The following LOXHD1 variants were observed in gnomAD, a reference collection of about 807,000 sequenced individuals.
LOXHD1 encodes lipoxygenase homology domain-containing protein 1.
In LOXHD1, 205 loss-of-function variants were observed where a neutral mutation model predicts 248.2. That is an observed-to-expected ratio of 0.83 (90% CI 0.74 to 0.93). LOXHD1 has a LOEUF of 0.93. LOXHD1 is among the 40% of genes least tolerant of loss of function. The pLI, the probability that LOXHD1 is intolerant of heterozygous loss-of-function variation, is 0.00. For missense variants in LOXHD1, 2,930 were observed against 2,971.6 expected (o/e 0.99, Z 0.33); for synonymous variants, 1,113 against 1,162.8 (o/e 0.96, Z 0.87).
At chr18:46,522,608 T>C (rs2144141875) in intron 31 of LOXHD1, among the ~76,000 whole-genome samples, 2 of 152,304 alleles carry the variant, frequency 1.3e-5, no homozygotes, top group Admixed American at 1.3e-4. Context: ...CCTAGCACTA[T>C]TATGTGAAGG....
intron 37 of LOXHD1, among the ~76,000 whole-genome samples, chr18:46,490,755 G>A (rs987142137): frequency 1.1e-4 from 17 of 152,244 alleles, no homozygotes; most frequent in African/African-American, 3.4e-4. Context: ...GATTACAGGC[G>A]TGAGCCACCT....
chr18:46,603,738 G>A (rs902410835), intron 7 of LOXHD1, among the ~76,000 whole-genome samples: 14 of 152,302 alleles, frequency 9.2e-5, no homozygotes, highest in African/African-American at 3.4e-4. Context: ...AGGACACCAT[G>A]TAGGTCAGGT....
intron 26 of LOXHD1, among the ~76,000 whole-genome samples, chr18:46,537,322 T>C (rs186542434): frequency 2.6e-5 from 4 of 152,330 alleles, no homozygotes; most frequent in Admixed American, 2.6e-4. Flanking sequence ...CATGCCCCAG[T>C]TTCCCCATAT....
At chr18:46,656,123 G>A (rs2039178219) in intron 1 of LOXHD1, among the ~76,000 whole-genome samples, 1 of 152,222 alleles carries the variant, frequency 6.6e-6, no homozygotes, top group African/African-American at 2.4e-5. Context: ...TGGCTTCAGA[G>A]ACTAGGCAGG....
intron 13 of LOXHD1, among the ~76,000 whole-genome samples, chr18:46,578,522 T>C (rs897988498): frequency 1.4e-5 from 2 of 143,108 alleles, no homozygotes; most frequent in Non-Finnish European, 3.1e-5. Flanking sequence ...TGAACCTGAG[T>C]CCACCCACAA....
chr18:46,521,643 C>T (rs572547937), intron 32 of LOXHD1, among the ~76,000 whole-genome samples: 2 of 152,220 alleles, frequency 1.3e-5, no homozygotes, highest in African/African-American at 4.8e-5. Context: ...GTCCTCAGTC[C>T]TACACCCCCA....
At chr18:46,546,767 T>TA (rs1340870140) in intron 22 of LOXHD1, 128 bp downstream of exon 22, 1 of 1,071,000 alleles carries the variant, frequency 9.3e-7, no homozygotes, top group Non-Finnish European at 1.3e-6. Context: ...GAGAGGGCAA[T>TA]ACAATAGACT....
At chr18:46,609,652 G>T (rs328125) in intron 6 of LOXHD1, among the ~76,000 whole-genome samples, 81,493 of 152,050 alleles carry the variant, frequency 0.54, 21,901 homozygotes, top group Non-Finnish European at 0.56. Flanking sequence ...GTTTTCTAAC[G>T]GACCTCAGCC....
At chr18:46,572,211 C>G in intron 14 of LOXHD1, 49 bp from the exon 15 acceptor site, 1 of 1,488,186 alleles carries the variant, frequency 6.7e-7, no homozygotes, top group South Asian at 1.2e-5. Flanking sequence ...AGCAGGCAGA[C>G]AATCAAAGCT....
In LOXHD1 at chr18:46,610,867, A is replaced by C. The variant is rs768690637; in HGVS notation, c.668T>G (p.Phe223Cys). 3.4e-5 allele frequency: 53 copies of C among 1,551,712 alleles called. No homozygotes were observed. The highest frequency in any genetic ancestry group is 4.5e-5 in the Non-Finnish European group (52 of 1,147,024). ...CCCCAAATCCGGGGCATCCAGGATG[A>C]ACCTGTCTTCAGCTCCCTTTTCAAA... ...DNFEKGAEDR[F>C]ILDAPDLGQL... Residue 223 changes from phenylalanine (F) to cysteine (C), a missense_variant, in exon 6 of 41, where the codon TTC becomes TGC. Phe to Cys is a radical substitution (Grantham distance 205). Transcript: ENST00000642948.
At chr18:46,529,655 C>T (rs2035976679) in intron 28 of LOXHD1, among the ~76,000 whole-genome samples, 1 of 152,190 alleles carries the variant, frequency 6.6e-6, no homozygotes, top group African/African-American at 2.4e-5. Context: ...CAGAAACTAC[C>T]TGAGATGTGT....
At chr18:46,606,421 T>C (rs2038414289) in intron 6 of LOXHD1, among the ~76,000 whole-genome samples, 1 of 152,150 alleles carries the variant, frequency 6.6e-6, no homozygotes, top group African/African-American at 2.4e-5. Flanking sequence ...CCAAAACTTT[T>C]TGAGTGCTGA....
intron 4 of LOXHD1, among the ~76,000 whole-genome samples, chr18:46,628,512 G>A (rs943173046): frequency 8.5e-5 from 13 of 152,316 alleles, no homozygotes; most frequent in African/African-American, 2.4e-4. Context: ...ACAAAGCGTC[G>A]GGAAAAGAGG....
rs202043044 is a variant in LOXHD1, at chr18:46,507,541, G to A, written c.5689C>T (p.Leu1897=). 2.4e-3 allele frequency: 3,725 copies of A among 1,551,712 alleles called. 4 individuals are homozygous for A. Among genetic ancestry groups the A allele is most frequent in the Non-Finnish European group, 2.7e-3 (3,045 of 1,146,974 alleles). The change falls in exon 36 of 41, where the codon CTG becomes TTG. Residue 1897 remains leucine, a synonymous_variant. Coordinates refer to ENST00000642948, the MANE Select transcript of LOXHD1 (RefSeq NM_001384474.1). ...GTGTGAGGGACCCCCGACCCACCCAGGATGTCGCTGGTCTTAACTGCGACG... is the reference window on the plus strand; with the variant it reads ...GTGTGAGGGACCCCCGACCCACCCAAGATGTCGCTGGTCTTAACTGCGACG... The part of the protein sequence containing the change: ...YTVAVKTSDI[L]GAGTDANVFI...
At position 46,522,081 on chromosome 18, in the gene LOXHD1, G is replaced by C; in HGVS notation, c.5085+20C>G. 2.1e-5 allele frequency: 32 copies of C among 1,539,366 alleles called. No homozygotes were observed. Among genetic ancestry groups the C allele is most frequent in the Non-Finnish European group, 2.8e-5 (32 of 1,142,052 alleles). On this transcript the variant is annotated intron_variant, in intron 32 of 40. Transcript: ENST00000642948. ...TATCCCTAGGGTGGTCACTATCATG[G>C]GGCCCCGAGAAGCCAGCACCTCTAT...
intron 12 of LOXHD1, among the ~76,000 whole-genome samples, chr18:46,582,078 C>A (rs1334126100): frequency 6.6e-6 from 1 of 152,116 alleles, no homozygotes; most frequent in Admixed American, 6.5e-5. Context: ...AACTTGAAAT[C>A]ACCTGATAGA....
At chr18:46,556,880 G>T (rs1355816748) in intron 21 of LOXHD1, 2 of 154,096 alleles carry the variant, frequency 1.3e-5, no homozygotes, top group Non-Finnish European at 2.3e-5. Context: ...CAGCCACTCT[G>T]ACCTTCCAGT....
intron 12 of LOXHD1, among the ~76,000 whole-genome samples, chr18:46,591,046 A>T (rs1170871424): frequency 6.6e-6 from 1 of 152,212 alleles, no homozygotes. Flanking sequence ...CAACAAATAT[A>T]TACAGAACTT....
At chr18:46,640,371 T>C (rs745404417) in intron 3 of LOXHD1, among the ~76,000 whole-genome samples, 4 of 152,218 alleles carry the variant, frequency 2.6e-5, no homozygotes, top group Admixed American at 6.5e-5. Context: ...CTCTTCATCA[T>C]GACTCCTGGA....
Sources: allele counts gnomAD v4.1 joint callset (sites outside exome capture counted in the v4.1 genomes callset), GRCh38; gene constraint gnomAD v4.1.1; transcripts MANE v1.5; gene names NCBI Gene and HGNC (gene_info 2026-07-23, HGNC 2026-07-21).